PDSS2: variants seen among roughly 807,000 people sequenced by gnomAD.
PDSS2 encodes all trans-polyprenyl-diphosphate synthase PDSS2.
Under a neutral mutation model 44.5 loss-of-function variants are expected in PDSS2, and 31 were observed. The ratio of observed to expected loss-of-function variants is 0.70; its 90% confidence interval spans 0.52 to 0.94. PDSS2 has a LOEUF of 0.94. Among genes scored for constraint, PDSS2 ranks in the 40% least tolerant of loss-of-function variants. The probability of loss-of-function intolerance (pLI) is 0.00; values close to 1 mark genes in which losing one functional copy is unlikely to be tolerated. For synonymous variants in PDSS2, 157 were observed against 180.3 expected (o/e 0.87, Z 1.03); for missense variants, 452 against 482.2 (o/e 0.94, Z 0.59).
intron 4 of PDSS2, among the ~76,000 whole-genome samples, chr6:107,223,769 CGACCCACCAA>C (rs1773695748): frequency 6.8e-6 from 1 of 147,318 alleles, no homozygotes; most frequent in East Asian, 2.0e-4. Context: ...CCCCCGACCC[CGACCCACCAA>C]GAGCATTTAA....
chr6:107,379,125 T>C lies in PDSS2; in HGVS notation c.297-44793A>G, dbSNP rs568190755. On this transcript the variant is annotated intron_variant, in intron 1 of 7. Coordinates refer to ENST00000369037, the MANE Select transcript of PDSS2 (RefSeq NM_020381.4). Reference sequence around the variant, plus strand: ...TCTATACAAATCATTTGGAATTCTTTGGCATGGAAGATTTGTTTCTTTTCT... The same window carrying C: ...TCTATACAAATCATTTGGAATTCTTCGGCATGGAAGATTTGTTTCTTTTCT... 2.6e-5 allele frequency among the ~76,000 whole-genome samples: 4 copies of C among 152,350 alleles called. No homozygotes were observed. In the East Asian group the frequency reaches 7.7e-4, roughly 29 times the overall value.
In PDSS2 at chr6:107,200,929, C is replaced by A. The variant is rs189223562; in HGVS notation, c.1009-7075G>T. ...ATCCGCCCACCTCAGCCTCCCAAAG[C>A]GTTGGGATTACAGGCATGAGTCACT... is the stretch of plus-strand genomic sequence containing the variant. On this transcript the variant is annotated intron_variant, in intron 6 of 7. Transcript: ENST00000369037. Among the ~76,000 whole-genome samples the A allele has an allele frequency of 4.6e-5, 7 of 152,120 alleles. No individual in the cohort carries two copies. In the East Asian group the frequency reaches 1.2e-3, roughly 25 times the overall value.
chr6:107,408,755 G>C (rs983680913), intron 1 of PDSS2, among the ~76,000 whole-genome samples: 4 of 152,164 alleles, frequency 2.6e-5, no homozygotes, highest in Non-Finnish European at 5.9e-5. Context: ...ATTTTCAAAA[G>C]AGGCTAGAAA....
chr6:107,456,032 T>A (rs1782031448), intron 1 of PDSS2, among the ~76,000 whole-genome samples: 1 of 151,954 alleles, frequency 6.6e-6, no homozygotes, highest in South Asian at 2.1e-4. Flanking sequence ...AATTACAAGA[T>A]GACTGTGAGG....
At chr6:107,231,606 T>C (rs1272656509) in intron 4 of PDSS2, among the ~76,000 whole-genome samples, 1 of 152,228 alleles carries the variant, frequency 6.6e-6, no homozygotes, top group African/African-American at 2.4e-5. Context: ...ACCCTATGGT[T>C]ATTTGCTACT....
chr6:107,217,436 C>G (rs1489262614), intron 4 of PDSS2, among the ~76,000 whole-genome samples: 1 of 151,846 alleles, frequency 6.6e-6, no homozygotes, highest in Non-Finnish European at 1.5e-5. Flanking sequence ...GAGATGGGGC[C>G]ATGAGCCAAG....
chr6:107,264,568 C>A, intron 3 of PDSS2: 1 of 1,062,268 alleles, frequency 9.4e-7, no homozygotes. Context: ...CTAGGCTTAT[C>A]ATTATATATG....
In PDSS2 at chr6:107,429,895, AAAAAAAATATAT is replaced by A. The variant is rs1325118432; in HGVS notation, c.296+29083_296+29094del. Among the ~76,000 whole-genome samples, 135 of 41,626 alleles carry A rather than the reference AAAAAAAATATAT, an allele frequency of 3.2e-3. 12 individuals carry two copies. The East Asian group carries it at 0.051, about 16-fold the overall frequency. 27.3% of individuals were successfully genotyped at this position (41,626 alleles called of 152,430 possible). A position where few individuals can be genotyped will look rare whatever the true frequency, so the allele number is the denominator to read the frequency against. ...GCAAAACTTAGTCTCAAAAAAAAAA[AAAAAAAATATAT>A]ATATATATATATATATATATATATA... On this transcript the variant is annotated intron_variant, in intron 1 of 7. Transcript: ENST00000369037.
chr6:107,456,136 T>C (rs1481129590), intron 1 of PDSS2, among the ~76,000 whole-genome samples: 4 of 151,906 alleles, frequency 2.6e-5, no homozygotes, highest in African/African-American at 4.8e-5. Context: ...GCCTGGCCAA[T>C]ATGGTGAAAC....
chr6:107,275,105 T>C (rs1312109147), intron 2 of PDSS2, among the ~76,000 whole-genome samples: 3 of 152,110 alleles, frequency 2.0e-5, no homozygotes, highest in Admixed American at 6.6e-5. Flanking sequence ...GCAAATAATA[T>C]AGAGAAGGCC....
chr6:107,285,052 G>C (rs188594530), intron 2 of PDSS2, among the ~76,000 whole-genome samples: 1 of 152,182 alleles, frequency 6.6e-6, no homozygotes, highest in Non-Finnish European at 1.5e-5. Context: ...TTCAAGCCCA[G>C]GACTCTGGTT....
At chr6:107,211,024 A>G (rs1334118180) in intron 5 of PDSS2, among the ~76,000 whole-genome samples, 1 of 152,010 alleles carries the variant, frequency 6.6e-6, no homozygotes, top group Non-Finnish European at 1.5e-5. Flanking sequence ...CAGATGATTA[A>G]CAATAACCTG....
intron 3 of PDSS2, among the ~76,000 whole-genome samples, chr6:107,253,971 C>G (rs2114843904): frequency 6.6e-6 from 1 of 151,968 alleles, no homozygotes; most frequent in South Asian, 2.1e-4. Context: ...TGAGACTAGC[C>G]TGGGCAAAAC....
chr6:107,450,881 A>G (rs1044174868), intron 1 of PDSS2, among the ~76,000 whole-genome samples: 2 of 152,242 alleles, frequency 1.3e-5, no homozygotes, highest in Admixed American at 1.3e-4. Flanking sequence ...CCCACGCTGA[A>G]GTGCAATGGC....
intron 6 of PDSS2, among the ~76,000 whole-genome samples, chr6:107,202,184 A>G (rs1772800429): frequency 6.6e-6 from 1 of 152,104 alleles, no homozygotes; most frequent in African/African-American, 2.4e-5. Context: ...GATTACAGGT[A>G]CACACCACCA....
intron 1 of PDSS2, among the ~76,000 whole-genome samples, chr6:107,439,618 A>T (rs1781457100): frequency 6.6e-6 from 1 of 152,126 alleles, no homozygotes; most frequent in South Asian, 2.1e-4. Flanking sequence ...TTGCATAACA[A>T]CTCCATTCAG....
chr6:107,432,637 G>A (rs319106), intron 1 of PDSS2, among the ~76,000 whole-genome samples: 57,198 of 151,964 alleles, frequency 0.38, 13,274 homozygotes, highest in Middle Eastern at 0.64. Context: ...TTAGCCAGGC[G>A]TGGTGGTGCA....
intron 7 of PDSS2, among the ~76,000 whole-genome samples, chr6:107,157,759 C>T (rs974014683): frequency 6.6e-6 from 1 of 152,060 alleles, no homozygotes; most frequent in African/African-American, 2.4e-5. Flanking sequence ...CAACCTCTGC[C>T]TCCCAGGTTC....
intron 1 of PDSS2, among the ~76,000 whole-genome samples, chr6:107,382,273 G>A (rs116809849): frequency 5.7e-4 from 87 of 151,758 alleles, no homozygotes; most frequent in African/African-American, 1.8e-3. Flanking sequence ...TTTTTTGGCC[G>A]TGAACCACCA....
Sources: allele counts gnomAD v4.1 joint callset (sites outside exome capture counted in the v4.1 genomes callset), GRCh38; gene constraint gnomAD v4.1.1; transcripts MANE v1.5; gene names NCBI Gene and HGNC (gene_info 2026-07-23, HGNC 2026-07-21).